Variants in BANP observed in about 807,000 individuals in gnomAD.
BANP encodes BTG3 associated nuclear protein, also known as protein BANP.
In BANP, 11 loss-of-function variants were observed where a neutral mutation model predicts 68.1. That is an observed-to-expected ratio of 0.16 (90% CI 0.10 to 0.27). BANP has a LOEUF of 0.27. Ranked by LOEUF, BANP falls within the 10% of genes least tolerant of loss-of-function variation. The pLI, the probability that BANP is intolerant of heterozygous loss-of-function variation, is 1.00. For synonymous variants in BANP, 329 were observed against 303.2 expected (o/e 1.09, Z -0.88); for missense variants, 504 against 722.7 (o/e 0.70, Z 3.47).
intron 11 of BANP, among the ~76,000 whole-genome samples, chr16:88,062,826 T>A (rs1351412731): frequency 1.3e-5 from 2 of 152,328 alleles, no homozygotes; most frequent in East Asian, 3.9e-4. Flanking sequence ...CCCAGCCTGC[T>A]CTACCCCTGA....
intron 1 of BANP, among the ~76,000 whole-genome samples, chr16:87,969,534 CTT>C (rs71156276): frequency 2.2e-5 from 3 of 138,970 alleles, no homozygotes; most frequent in Non-Finnish European, 3.1e-5. Flanking sequence ...TCGAGATTGA[CTT>C]TTTTTTTTTT....
Position 88,004,679 on chromosome 16 carries a change from C to G in BANP, c.479+268C>G, listed in dbSNP as rs1197831796. Among the ~76,000 whole-genome samples the G allele has an allele frequency of 6.6e-6, 1 of 152,202 alleles. No individual in the cohort carries two copies. Among genetic ancestry groups the G allele is most frequent in the Admixed American group, 6.5e-5 (1 of 15,276 alleles). On this transcript the variant is annotated intron_variant, in intron 5 of 13. Coordinates refer to ENST00000682872, the MANE Select transcript of BANP (RefSeq NM_001386991.1). This position sits in a 1 kb window ranked among gnomAD's most constrained non-coding sequence, Gnocchi z 7.0. ...GCCGGGGTTGTGGAGGGGGCTGGCT[C>G]TGTCTCCTCACAGCAGTCTGTGAAA...
At position 88,076,856 on chromosome 16, in the gene BANP, C is replaced by G; in HGVS notation, c.*195C>G. On this transcript the variant is annotated 3_prime_UTR_variant, in exon 14 of 14. Transcript: ENST00000682872. ...CCGCCGCCGCCCCCAGCCGGAGACC[C>G]CTTTCGTTTGAGTCCTGCTGTTGGT... 1.7e-6 allele frequency: 1 copy of G among 578,630 alleles called. No individual in the cohort carries two copies. The highest frequency in any genetic ancestry group is 2.9e-5 in the East Asian group (1 of 33,976). The allele number at this position is 578,630 out of a possible 1,614,324, so 35.8% of individuals were successfully genotyped here. A position where few individuals can be genotyped will look rare whatever the true frequency, so the allele number is the denominator to read the frequency against.
At chr16:88,019,770 C>G (rs1332110019) in intron 7 of BANP, among the ~76,000 whole-genome samples, 5 of 151,728 alleles carry the variant, frequency 3.3e-5, no homozygotes, top group Non-Finnish European at 7.4e-5. Flanking sequence ...AAGAGCCTTG[C>G]TCCTCTGGGA....
rs560984892 is a variant in BANP, at chr16:88,045,237, G to A, written c.1311+7226G>A. ...TTAGAATGAAGTTTTCCTGAGAACT[G>A]CAGTCAGGTTTTTGGCATGGCTGGC... On this transcript the variant is annotated intron_variant, in intron 11 of 13. Transcript: ENST00000682872. Among the ~76,000 whole-genome samples, 5 of 152,348 alleles carry A rather than the reference G, an allele frequency of 3.3e-5. No individual in the cohort carries two copies. In the South Asian group the frequency reaches 8.3e-4, roughly 25 times the overall value.
chr16:87,951,166 T>C (rs1318473214), upstream of BANP, among the ~76,000 whole-genome samples: 1 of 152,186 alleles, frequency 6.6e-6, no homozygotes, highest in Non-Finnish European at 1.5e-5. Context: ...TCAAAGAAGA[T>C]GCAAATTCCT....
intron 1 of BANP, among the ~76,000 whole-genome samples, chr16:87,960,238 A>G (rs1300877415): frequency 1.3e-5 from 2 of 152,208 alleles, no homozygotes; most frequent in Non-Finnish European, 2.9e-5. Flanking sequence ...CCACGCAGTC[A>G]GGAGCTTGCT....
chr16:87,968,883 T>G (rs1327539281), intron 1 of BANP, among the ~76,000 whole-genome samples: 1 of 152,220 alleles, frequency 6.6e-6, no homozygotes, highest in Non-Finnish European at 1.5e-5. Context: ...TTCTTTTTCT[T>G]TTTGAAAAAG....
chr16:87,970,484 C>CTAT (rs2060908337), intron 1 of BANP, among the ~76,000 whole-genome samples: 1 of 152,106 alleles, frequency 6.6e-6, no homozygotes, highest in African/African-American at 2.4e-5. Context: ...GAGAAACATT[C>CTAT]TATTGCTTAT....
chr16:87,973,311 T>G (rs1455818655), intron 1 of BANP, among the ~76,000 whole-genome samples: 7 of 152,148 alleles, frequency 4.6e-5, no homozygotes, highest in Non-Finnish European at 8.8e-5. Context: ...TCATCTAATC[T>G]TGTGTAAAGT....
Position 88,002,121 on chromosome 16 carries a change from C to G in BANP, c.363-2174C>G, listed in dbSNP as rs2069576767. ...TGAATCAATGGATGATTATGTTTGACTGCTTAGATGAGACAGGATTCCATG... is the reference window on the plus strand; with the variant it reads ...TGAATCAATGGATGATTATGTTTGAGTGCTTAGATGAGACAGGATTCCATG... On this transcript the variant is annotated intron_variant, in intron 4 of 13. Transcript: ENST00000682872. This position sits in a 1 kb window ranked among gnomAD's most constrained non-coding sequence, Gnocchi z 4.6. 6.6e-6 allele frequency among the ~76,000 whole-genome samples: 1 copy of G among 152,088 alleles called. No individual in the cohort carries two copies. Among genetic ancestry groups the G allele is most frequent in the African/African-American group, 2.4e-5 (1 of 41,388 alleles).
intron 6 of BANP, among the ~76,000 whole-genome samples, chr16:88,006,504 G>A (rs898383472): frequency 2.6e-5 from 4 of 151,784 alleles, no homozygotes; most frequent in Non-Finnish European, 5.9e-5. Flanking sequence ...AAATTAGCCG[G>A]GTGTGGTGGC....
intron 6 of BANP, among the ~76,000 whole-genome samples, chr16:88,008,469 A>G (rs1223851156): frequency 1.3e-5 from 2 of 152,222 alleles, no homozygotes; most frequent in Non-Finnish European, 2.9e-5. Context: ...ATAAATCCCC[A>G]CATAGATCTG....
chr16:87,951,410 G>A (rs1008328825), upstream of BANP: 1 of 151,744 alleles, frequency 6.6e-6, no homozygotes, highest in African/African-American at 2.4e-5. Context: ...GAGCGTCGCG[G>A]GGAGGGGCTC....
intron 1 of BANP, among the ~76,000 whole-genome samples, chr16:87,953,028 C>T (rs775979393): frequency 4.6e-5 from 7 of 152,120 alleles, no homozygotes; most frequent in East Asian, 1.9e-4. Context: ...TGTGATTCCA[C>T]GCTGCGTGGG....
chr16:88,010,026 CCTGA>C (rs1239374120), intron 6 of BANP, among the ~76,000 whole-genome samples: 5 of 152,188 alleles, frequency 3.3e-5, no homozygotes, highest in African/African-American at 1.2e-4. Context: ...GACGGTAGTT[CCTGA>C]CTGTTGAAAG....
chr16:88,059,819 A>G (rs1206169218), intron 11 of BANP, among the ~76,000 whole-genome samples: 1 of 152,222 alleles, frequency 6.6e-6, no homozygotes, highest in Non-Finnish European at 1.5e-5. Context: ...GTGAGACCGC[A>G]TGGTCATGGA....
intron 7 of BANP, among the ~76,000 whole-genome samples, chr16:88,023,274 G>C (rs570619069): frequency 6.6e-6 from 1 of 152,164 alleles, no homozygotes; most frequent in Non-Finnish European, 1.5e-5. Flanking sequence ...GCAGGTGGCT[G>C]TGAGGGGCTC....
At chr16:87,950,784 C>T (rs1011639585), upstream of BANP, 1 of 152,244 alleles carries the variant, frequency 6.6e-6, no homozygotes, top group African/African-American at 2.4e-5. Flanking sequence ...TATCTAAGAC[C>T]ATAATCACTG....
Sources: allele counts gnomAD v4.1 joint callset (sites outside exome capture counted in the v4.1 genomes callset), GRCh38; gene constraint gnomAD v4.1.1; non-coding constraint Gnocchi (gnomAD v3.1); transcripts MANE v1.5; gene names NCBI Gene and HGNC (gene_info 2026-07-23, HGNC 2026-07-21).